Variants in NRXN3 observed in about 807,000 individuals in gnomAD.
NRXN3 encodes neurexin III.
Under a neutral mutation model 137.6 loss-of-function variants are expected in NRXN3, and 32 were observed. The observed-to-expected ratio is 0.23, with a 90% CI of 0.18 to 0.31. The LOEUF (loss-of-function observed/expected upper bound fraction) is 0.31. Among genes scored for constraint, NRXN3 ranks in the 10% least tolerant of loss-of-function variants. The probability of loss-of-function intolerance (pLI) is 1.00; values close to 1 mark genes in which losing one functional copy is unlikely to be tolerated. For synonymous variants in NRXN3, 798 were observed against 784.5 expected (o/e 1.02, Z -0.29); for missense variants, 1,574 against 2,062.5 (o/e 0.76, Z 4.59).
intron 15 of NRXN3, among the ~76,000 whole-genome samples, chr14:79,027,264 T>A (rs4903810): frequency 0.99 from 150,209 of 151,928 alleles, 74,276 homozygotes; most frequent in Middle Eastern, 1. Flanking sequence ...TTCAATCAGA[T>A]TTCTCCTATG....
intron 15 of NRXN3, among the ~76,000 whole-genome samples, chr14:79,040,633 G>T (rs2152529749): frequency 6.6e-6 from 1 of 152,262 alleles, no homozygotes; most frequent in Admixed American, 6.5e-5. Flanking sequence ...GGTGAGGTTG[G>T]AGTGAAAGTT....
intron 10 of NRXN3, among the ~76,000 whole-genome samples, chr14:78,857,832 T>C (rs1301280155): frequency 6.6e-6 from 1 of 152,080 alleles, no homozygotes; most frequent in African/African-American, 2.4e-5. Context: ...CAAAGAAATA[T>C]CAATGTGTAG....
At chr14:78,884,719 A>G (rs1486535901) in intron 10 of NRXN3, among the ~76,000 whole-genome samples, 1 of 152,194 alleles carries the variant, frequency 6.6e-6, no homozygotes, top group African/African-American at 2.4e-5. Context: ...GTAAATTCAC[A>G]TGCCCCATTG....
At chr14:79,701,147 T>C (rs1246599956) in intron 19 of NRXN3, among the ~76,000 whole-genome samples, 1 of 152,082 alleles carries the variant, frequency 6.6e-6, no homozygotes, top group Non-Finnish European at 1.5e-5. Context: ...TTTTCAGTAG[T>C]AAGGCTATAG....
chr14:78,851,493 T>C (rs2099042541), intron 10 of NRXN3, among the ~76,000 whole-genome samples: 1 of 152,188 alleles, frequency 6.6e-6, no homozygotes, highest in Non-Finnish European at 1.5e-5. Flanking sequence ...ATACATCACT[T>C]CAGAATCAGT....
intron 15 of NRXN3, among the ~76,000 whole-genome samples, chr14:79,268,158 A>G (rs950903124): frequency 6.6e-6 from 1 of 152,182 alleles, no homozygotes; most frequent in Non-Finnish European, 1.5e-5. Context: ...TGGAACATAC[A>G]TTTTAGTGGG....
At chr14:79,519,262 A>G (rs1386145044) in intron 16 of NRXN3, among the ~76,000 whole-genome samples, 1 of 152,000 alleles carries the variant, frequency 6.6e-6, no homozygotes, top group South Asian at 2.1e-4. Flanking sequence ...CTTATTTTCC[A>G]CTTACTATTT....
Position 79,129,597 on chromosome 14 carries a change from A to C in NRXN3, c.3262+141456A>C, listed in dbSNP as rs1186963853. On this transcript the variant is annotated intron_variant, in intron 15 of 20. Transcript: ENST00000335750. ...TTTGCTGAGGAGAGCTTTACTTCCA[A>C]GTATGTGGTCAATTTTGGAATAGGT... 1.7e-4 allele frequency among the ~76,000 whole-genome samples: 23 copies of C among 134,776 alleles called. 1 individual carries two copies. The highest frequency in any genetic ancestry group is 2.7e-4 in the Non-Finnish European group (17 of 63,084). 88.4% of individuals were successfully genotyped at this position (134,776 alleles called of 152,430 possible).
intron 2 of NRXN3, among the ~76,000 whole-genome samples, chr14:78,267,910 T>C (rs2072051401): frequency 6.6e-6 from 1 of 152,220 alleles, no homozygotes; most frequent in Non-Finnish European, 1.5e-5. Flanking sequence ...CCTAAGTCAG[T>C]GTCTGGCATG....
chr14:79,854,963 G>T (rs1233097894), intron 20 of NRXN3, among the ~76,000 whole-genome samples: 1 of 152,060 alleles, frequency 6.6e-6, no homozygotes, highest in Non-Finnish European at 1.5e-5. Context: ...CCAGTGTATG[G>T]AACTAACAAC....
intron 4 of NRXN3, among the ~76,000 whole-genome samples, chr14:78,469,144 C>T (rs1253380897): frequency 6.6e-6 from 1 of 151,690 alleles, no homozygotes; most frequent in Non-Finnish European, 1.5e-5. Flanking sequence ...CATCCAAGGC[C>T]AATTAAGCTT....
intron 6 of NRXN3, among the ~76,000 whole-genome samples, chr14:78,701,822 G>T (rs938894542): frequency 3.9e-5 from 6 of 152,170 alleles, no homozygotes; most frequent in Admixed American, 3.9e-4. Context: ...CTCCTGCCTT[G>T]CAAGTCTGAA....
chr14:79,367,138 C>G (rs1180365414), intron 15 of NRXN3, among the ~76,000 whole-genome samples: 1 of 152,044 alleles, frequency 6.6e-6, no homozygotes, highest in Non-Finnish European at 1.5e-5. Flanking sequence ...CGTCCACCAC[C>G]ACGCCTAGCT....
chr14:78,270,053 CTG>C (rs2072465258), intron 2 of NRXN3, among the ~76,000 whole-genome samples: 1 of 152,196 alleles, frequency 6.6e-6, no homozygotes, highest in African/African-American at 2.4e-5. Flanking sequence ...GGCAAGTAGA[CTG>C]TCCCCATTTT....
chr14:78,258,289 A>G (rs1444369091), intron 2 of NRXN3, among the ~76,000 whole-genome samples: 1 of 152,196 alleles, frequency 6.6e-6, no homozygotes, highest in Non-Finnish European at 1.5e-5. Flanking sequence ...AGAACAGGAA[A>G]GCCATTGTGA....
At chr14:78,440,009 G>A (rs2094193157) in intron 4 of NRXN3, among the ~76,000 whole-genome samples, 1 of 152,154 alleles carries the variant, frequency 6.6e-6, no homozygotes, top group South Asian at 2.1e-4. Context: ...CCCACATGAG[G>A]GCATTGCCCG....
chr14:78,345,155 C>T (rs925236237), intron 4 of NRXN3, among the ~76,000 whole-genome samples: 2 of 151,984 alleles, frequency 1.3e-5, no homozygotes, highest in African/African-American at 4.8e-5. Flanking sequence ...GCCTGTGGCC[C>T]ACACTTGGGG....
intron 4 of NRXN3, among the ~76,000 whole-genome samples, chr14:78,471,742 T>G (rs2095276971): frequency 1.3e-5 from 2 of 152,192 alleles, no homozygotes; most frequent in Non-Finnish European, 2.9e-5. Flanking sequence ...ACTTGTATAA[T>G]TCTGTAGATC....
At chr14:78,586,773 C>T (rs778776068) in intron 4 of NRXN3, among the ~76,000 whole-genome samples, 23 of 152,216 alleles carry the variant, frequency 1.5e-4, no homozygotes, top group Non-Finnish European at 3.1e-4. Context: ...CTTTTTACTT[C>T]CTATCTTTGA....
Sources: allele counts gnomAD v4.1 joint callset (sites outside exome capture counted in the v4.1 genomes callset), GRCh38; gene constraint gnomAD v4.1.1; transcripts MANE v1.5; gene names NCBI Gene and HGNC (gene_info 2026-07-23, HGNC 2026-07-21).